PELI1: variants seen among roughly 807,000 people sequenced by gnomAD.
PELI1 encodes the protein pellino E3 ubiquitin protein ligase 1, also known as E3 ubiquitin-protein ligase pellino homolog 1.
Under a neutral mutation model 41.3 loss-of-function variants are expected in PELI1, and 15 were observed. That is an observed-to-expected ratio of 0.36 (90% CI 0.24 to 0.56). The LOEUF (loss-of-function observed/expected upper bound fraction) is 0.56. PELI1 is among the 20% of genes least tolerant of loss of function. The pLI, the probability that PELI1 is intolerant of heterozygous loss-of-function variation, is 0.82. For synonymous variants in PELI1, 178 were observed against 180.1 expected (o/e 0.99, Z 0.09); for missense variants, 403 against 525.5 (o/e 0.77, Z 2.28).
intron 1 of PELI1, among the ~76,000 whole-genome samples, chr2:64,127,217 CA>C (rs1191157538): frequency 6.6e-6 from 1 of 152,158 alleles, no homozygotes; most frequent in Non-Finnish European, 1.5e-5. Context: ...AATGAAAGCA[CA>C]AGACCTGTTA....
rs537000200 is a variant in PELI1, at chr2:64,104,681, C to CT, written c.201+19dup. ...AAATTCTCCAAGTTAATTTATGTAG[C>CT]TTTTTTTTTTTTTTTTTACCTTTGC... is the stretch of plus-strand genomic sequence containing the variant. On this transcript the variant is annotated intron_variant, in intron 3 of 6. Coordinates refer to ENST00000358912, the MANE Select transcript of PELI1 (RefSeq NM_020651.4). 19,488 of 1,461,924 alleles carry CT rather than the reference C, an allele frequency of 0.013. 191 individuals are homozygous for CT. Among genetic ancestry groups the CT allele is most frequent in the African/African-American group, 0.082 (5,404 of 65,940 alleles). 90.6% of individuals were successfully genotyped at this position (1,461,924 alleles called of 1,614,324 possible). A position where few individuals can be genotyped will look rare whatever the true frequency, so the allele number is the denominator to read the frequency against.
In PELI1 at chr2:64,139,241, TCTCC is replaced by T. The variant is rs1165851420; in HGVS notation, c.-70+4836_-70+4839del. On this transcript the variant is annotated intron_variant, in intron 1 of 6. Transcript: ENST00000358912. Reference sequence around the variant, plus strand: ...CTTAAGTCTCTTTTAATCTTATAGTTCTCCCTCCCTATTTCTTGCTATTAATTTT... The same window carrying T: ...CTTAAGTCTCTTTTAATCTTATAGTTCTCCCTATTTCTTGCTATTAATTTT... 4.6e-5 allele frequency among the ~76,000 whole-genome samples: 7 copies of T among 152,332 alleles called. No homozygotes were observed. The East Asian group carries it at 1.3e-3, about 29-fold the overall frequency.
At chr2:64,118,012 T>C (rs1042383078) in intron 1 of PELI1, among the ~76,000 whole-genome samples, 2 of 152,140 alleles carry the variant, frequency 1.3e-5, no homozygotes, top group African/African-American at 4.8e-5. Flanking sequence ...GATTTCACCA[T>C]GTTAGCCAGA....
intron 1 of PELI1, among the ~76,000 whole-genome samples, chr2:64,141,896 T>C (rs1681925301): frequency 6.6e-6 from 1 of 152,208 alleles, no homozygotes; most frequent in African/African-American, 2.4e-5. Flanking sequence ...CAAGACAGTG[T>C]TAGTAGCTTC....
intron 2 of PELI1, among the ~76,000 whole-genome samples, chr2:64,105,211 T>A (rs1033503616): frequency 1.3e-5 from 2 of 152,226 alleles, no homozygotes; most frequent in African/African-American, 4.8e-5. Context: ...CTTTAAAAAG[T>A]ACAGTATGTA....
At chr2:64,101,635 T>C (rs1329641022) in intron 3 of PELI1, among the ~76,000 whole-genome samples, 1 of 152,178 alleles carries the variant, frequency 6.6e-6, no homozygotes, top group Non-Finnish European at 1.5e-5. Flanking sequence ...AAGTTTGGCA[T>C]CATAAGCTTT....
At position 64,094,957 on chromosome 2, in the gene PELI1, A is replaced by G. The variant is rs1258927787; in HGVS notation, c.1002T>C (p.Pro334=). The G allele has an allele frequency of 1.2e-6, 2 of 1,614,094 alleles. No homozygotes were observed. The highest frequency in any genetic ancestry group is 2.7e-5 in the African/African-American group (2 of 74,950). The change falls in exon 7 of 7, where the codon CCT becomes CCC. Residue 334 remains proline, a synonymous_variant. Coordinates refer to ENST00000358912, the MANE Select transcript of PELI1 (RefSeq NM_020651.4). ...CATAGGGACCAACAGACCTACACAT[A>G]GGACATTCACGATCTTTTCCATCAC... ...EERDGKDREC[P]MCRSVGPYVP...
At chr2:64,124,293 A>C (rs1362317493) in intron 1 of PELI1, among the ~76,000 whole-genome samples, 2 of 152,196 alleles carry the variant, frequency 1.3e-5, no homozygotes, top group Admixed American at 1.3e-4. Context: ...GTTTACATAA[A>C]TGGTATAAAA....
chr2:64,126,584 AGGT>A (rs1681394251), intron 1 of PELI1, among the ~76,000 whole-genome samples: 1 of 152,234 alleles, frequency 6.6e-6, no homozygotes, highest in African/African-American at 2.4e-5. Context: ...CTAATGCAAA[AGGT>A]ATGCCTCCCT....
chr2:64,135,694 T>C (rs1008657564), intron 1 of PELI1, among the ~76,000 whole-genome samples: 11 of 152,344 alleles, frequency 7.2e-5, no homozygotes, highest in African/African-American at 2.6e-4. Flanking sequence ...TGTAAAAATC[T>C]ACAAAGCTTA....
intron 6 of PELI1, among the ~76,000 whole-genome samples, chr2:64,095,521 G>A (rs1027299297): frequency 6.6e-6 from 1 of 152,164 alleles, no homozygotes; most frequent in Non-Finnish European, 1.5e-5. Flanking sequence ...TAATCAATAA[G>A]TCTAATATTT....
intron 1 of PELI1, among the ~76,000 whole-genome samples, chr2:64,131,391 TA>T (rs914299143): frequency 5.3e-5 from 8 of 152,106 alleles, no homozygotes; most frequent in Admixed American, 3.3e-4. Flanking sequence ...TAATACCTAA[TA>T]AAATGTAAGT....
intron 1 of PELI1, among the ~76,000 whole-genome samples, chr2:64,109,863 TA>T (rs1418292719): frequency 6.6e-6 from 1 of 152,152 alleles, no homozygotes; most frequent in Non-Finnish European, 1.5e-5. Flanking sequence ...AACAGAGCCT[TA>T]TAGACCCGTG....
chr2:64,103,917 A>G (rs1558474345), intron 3 of PELI1, among the ~76,000 whole-genome samples: 1 of 152,232 alleles, frequency 6.6e-6, no homozygotes, highest in African/African-American at 2.4e-5. Context: ...AATTCTTTGT[A>G]ACACAAAGTC....
At chr2:64,121,952 G>T (rs1376626653) in intron 1 of PELI1, among the ~76,000 whole-genome samples, 12 of 151,322 alleles carry the variant, frequency 7.9e-5, no homozygotes, top group Non-Finnish European at 1.8e-4. Flanking sequence ...TTTTATAATG[G>T]GACAAATAAT....
At chr2:64,124,301 A>T (rs1301080659) in intron 1 of PELI1, among the ~76,000 whole-genome samples, 1 of 152,212 alleles carries the variant, frequency 6.6e-6, no homozygotes, top group East Asian at 1.9e-4. Flanking sequence ...AAATGGTATA[A>T]AAATTATACC....
chr2:64,106,651 C>G (rs1680630692), intron 2 of PELI1, among the ~76,000 whole-genome samples: 1 of 152,138 alleles, frequency 6.6e-6, no homozygotes, highest in South Asian at 2.1e-4. Context: ...TCTTATCTGT[C>G]ATTTTTACAG....
chr2:64,127,221 AC>A (rs1192848975), intron 1 of PELI1, among the ~76,000 whole-genome samples: 1 of 152,210 alleles, frequency 6.6e-6, no homozygotes, highest in Non-Finnish European at 1.5e-5. Context: ...AAAGCACAAG[AC>A]CTGTTAAATT....
chr2:64,115,920 C>T (rs1680974544), intron 1 of PELI1, among the ~76,000 whole-genome samples: 1 of 152,196 alleles, frequency 6.6e-6, no homozygotes, highest in South Asian at 2.1e-4. Context: ...TTGTCACTTC[C>T]TCAATGTTCA....
Sources: gnomAD v4.1 joint callset for allele counts (sites outside exome capture counted in the v4.1 genomes callset) on GRCh38, gnomAD v4.1.1 for gene constraint, MANE v1.5 for transcripts, NCBI Gene and HGNC (gene_info 2026-07-23, HGNC 2026-07-21) for gene names.